The following KLF8 variants were observed in gnomAD, a reference collection of about 807,000 sequenced individuals.
The protein encoded by KLF8 is KLF transcription factor 8, also known as Krueppel-like factor 8.
A neutral mutation model predicts 18.2 loss-of-function variants in KLF8; 10 were observed. That is an observed-to-expected ratio of 0.55 (90% confidence interval 0.34 to 0.93). The LOEUF is 0.93. Among genes scored for constraint, KLF8 ranks in the 40% least tolerant of loss-of-function variants. The pLI is 0.02. For missense variants in KLF8, 264 were observed against 277.9 expected (o/e 0.95, Z 0.36); for synonymous variants, 109 against 97.3 (o/e 1.12, Z -0.71).
At chrX:56,226,094 G>GAGGTTCCA in the KLF8 span, among the ~76,000 whole-genome samples, 1 of 111,924 alleles carries the variant, frequency 8.9e-6, no homozygotes, top group Non-Finnish European at 1.9e-5. Flanking sequence ...AGAGTAGAAG[G>GAGGTTCCA]CTTCACCTAG....
chrX:56,110,614 T>C, the KLF8 span, among the ~76,000 whole-genome samples: 1 of 111,862 alleles, frequency 8.9e-6, no homozygotes, highest in African/African-American at 3.2e-5. Context: ...TTCCTGTGTA[T>C]ATCTTAGTTT....
chrX:55,961,459 C>A, the KLF8 span: 2 of 547,634 alleles, frequency 3.7e-6, no homozygotes, highest in Non-Finnish European at 6.8e-6. Context: ...GGAAGAGGCC[C>A]AGATTGCCAC....
chrX:56,152,097 A>T, the KLF8 span, among the ~76,000 whole-genome samples: 2 of 112,289 alleles, frequency 1.8e-5, no homozygotes, highest in Non-Finnish European at 3.8e-5. Context: ...AGCTTAATAC[A>T]CAATGGGTTT....
In KLF8 at chrX:56,270,965, C is replaced by T. The variant is rs141623164; in HGVS notation, c.898+644C>T. On this transcript the variant is annotated intron_variant, in intron 5 of 5. Coordinates refer to ENST00000468660, the MANE Select transcript of KLF8 (RefSeq NM_007250.5). ...GTTCCACATCCGTGGATTCAACCAA[C>T]CACAAATCAAAAATATTTTTTAAAC... is the stretch of plus-strand genomic sequence containing the variant. Among the ~76,000 whole-genome samples, 685 of 111,742 alleles carry T rather than the reference C, an allele frequency of 6.1e-3. 6 individuals are homozygous for T. Among genetic ancestry groups the T allele is most frequent in the African/African-American group, 0.021 (660 of 30,744 alleles).
At chrX:55,988,627 AG>A in the KLF8 span, among the ~76,000 whole-genome samples, 3 of 111,750 alleles carry the variant, frequency 2.7e-5, no homozygotes, top group African/African-American at 9.8e-5. Context: ...GTTTGAAGTC[AG>A]GTAGCATGAT....
At chrX:56,111,180 A>G in the KLF8 span, among the ~76,000 whole-genome samples, 4 of 112,629 alleles carry the variant, frequency 3.6e-5, no homozygotes, top group African/African-American at 1.3e-4. Flanking sequence ...GTTTCTGATG[A>G]TAAATCATAT....
At chrX:56,068,548 T>C in the KLF8 span, among the ~76,000 whole-genome samples, 1 of 111,232 alleles carries the variant, frequency 9.0e-6, no homozygotes, top group African/African-American at 3.3e-5. Flanking sequence ...TTTTGGAGTG[T>C]ATGATTCCAC....
chrX:56,028,564 G>A, the KLF8 span, among the ~76,000 whole-genome samples: 77 of 111,559 alleles, frequency 6.9e-4, no homozygotes, highest in Non-Finnish European at 1.1e-3. Context: ...GACTGCTGTG[G>A]AGTGTCCTAG....
chrX:56,004,054 A>T, the KLF8 span, among the ~76,000 whole-genome samples: 113 of 112,255 alleles, frequency 1.0e-3, no homozygotes, highest in African/African-American at 3.5e-3. Context: ...TATGGGCCTT[A>T]TTCCTTACTT....
At chrX:56,068,564 C>T in the KLF8 span, among the ~76,000 whole-genome samples, 2 of 111,597 alleles carry the variant, frequency 1.8e-5, no homozygotes, top group African/African-American at 3.3e-5. Context: ...TCCACCCACT[C>T]GCACCACTGG....
chrX:56,169,093 C>T, the KLF8 span, among the ~76,000 whole-genome samples: 1,212 of 111,265 alleles, frequency 0.011, 22 homozygotes, highest in African/African-American at 0.037. Flanking sequence ...GCACTCTGTG[C>T]CAGAAGGGAA....
chrX:55,937,226 T>C, the KLF8 span, among the ~76,000 whole-genome samples: 1 of 111,451 alleles, frequency 9.0e-6, no homozygotes, highest in African/African-American at 3.3e-5. Flanking sequence ...CAATATCCGC[T>C]GTTCTGCAGC....
At chrX:56,048,652 G>A in the KLF8 span, among the ~76,000 whole-genome samples, 1,002 of 111,805 alleles carry the variant, frequency 9.0e-3, 5 homozygotes, top group Non-Finnish European at 0.011. Context: ...CCAGTACCAC[G>A]CTGTTTTGGT....
the KLF8 span, among the ~76,000 whole-genome samples, chrX:56,141,136 T>G: frequency 9.0e-6 from 1 of 111,384 alleles, no homozygotes; most frequent in Admixed American, 9.6e-5. Context: ...GCTAATTTTT[T>G]TTATATTTTT....
At chrX:56,150,684 C>T in the KLF8 span, among the ~76,000 whole-genome samples, 1 of 110,577 alleles carries the variant, frequency 9.0e-6, no homozygotes, top group South Asian at 3.8e-4. Context: ...GGCTGCCCTC[C>T]TATCCCTGGG....
the KLF8 span, among the ~76,000 whole-genome samples, chrX:56,210,469 C>T: frequency 9.0e-6 from 1 of 111,235 alleles, no homozygotes; most frequent in East Asian, 2.8e-4. Flanking sequence ...ATGATTCTTT[C>T]GTTATCCTTA....
chrX:56,136,374 C>T, the KLF8 span, among the ~76,000 whole-genome samples: 146 of 111,438 alleles, frequency 1.3e-3, no homozygotes, highest in Admixed American at 2.1e-3. Context: ...CTACAGTAAC[C>T]AAAACAGCAT....
the KLF8 span, among the ~76,000 whole-genome samples, chrX:56,131,211 A>C: frequency 5.3e-5 from 6 of 112,167 alleles, no homozygotes; most frequent in Admixed American, 5.7e-4. Flanking sequence ...AGTCAAGATG[A>C]AGAAAAGAAT....
the KLF8 span, among the ~76,000 whole-genome samples, chrX:56,045,069 TTG>T: frequency 8.9e-6 from 1 of 112,147 alleles, no homozygotes; most frequent in Non-Finnish European, 1.9e-5. Context: ...GAGTTGATTT[TTG>T]TATAAGGTGA....
Sources: allele counts gnomAD v4.1 joint callset (sites outside exome capture counted in the v4.1 genomes callset), GRCh38; gene constraint gnomAD v4.1.1; transcripts MANE v1.5; gene names NCBI Gene and HGNC (gene_info 2026-07-23, HGNC 2026-07-21).